PMS1: variants seen among roughly 807,000 people sequenced by gnomAD.
The protein encoded by PMS1 is PMS1 homolog 1, mismatch repair system component.
PMS1 carries 79 observed loss-of-function variants against 93.1 expected under a neutral mutation model. That is an observed-to-expected ratio of 0.85 (90% CI 0.71 to 1.02). The LOEUF is 1.02. PMS1 is among the 50% of genes least tolerant of loss of function. PMS1 has a pLI of 0.00. For synonymous variants in PMS1, 335 were observed against 363.4 expected, an observed-to-expected ratio of 0.92 and a Z score of 0.89; for missense variants, 1,064 against 1,085.3, an observed-to-expected ratio of 0.98 and a Z score of 0.28.
chr2:189,872,874 T>G (rs1479837151), intron 11 of PMS1, among the ~76,000 whole-genome samples: 4 of 152,162 alleles, frequency 2.6e-5, no homozygotes, highest in Admixed American at 6.5e-5. Context: ...GATGTTGTGA[T>G]CTGCCTGCCT....
intron 11 of PMS1, among the ~76,000 whole-genome samples, chr2:189,871,757 G>A (rs1430381385): frequency 1.3e-5 from 2 of 152,126 alleles, no homozygotes; most frequent in African/African-American, 4.8e-5. Context: ...GTGTTAGTTT[G>A]TTTGTGTTGC....
At chr2:189,792,688 AATATATATATATATATATATAT>A (rs3067428) in intron 2 of PMS1, among the ~76,000 whole-genome samples, 3 of 127,258 alleles carry the variant, frequency 2.4e-5, no homozygotes, top group African/African-American at 2.9e-5. Flanking sequence ...TATGGACACA[AATATATATATATATATATATAT>A]ATATATATAT....
In PMS1 at chr2:189,877,433, A is replaced by G; in HGVS notation, c.2796A>G (p.Thr932=). 1.9e-6 allele frequency: 3 copies of G among 1,600,192 alleles called. No homozygotes were observed. In the Middle Eastern group the frequency reaches 5.0e-4, roughly 266 times the overall value. Residue 932 remains threonine, a synonymous_variant, in exon 13 of 13, where the codon ACA becomes ACG. Coordinates refer to ENST00000441310, the MANE Select transcript of PMS1 (RefSeq NM_000534.5). ...ATTTAACCTATCTTCCAGAAACTAC[A>G]TGATTAAATATGTTTAAGAAGATTA... ...FHHLTYLPET[T] is the part of the protein sequence containing the mutation.
chr2:189,846,883 A>G (rs929186012), intron 6 of PMS1, among the ~76,000 whole-genome samples: 3 of 146,512 alleles, frequency 2.0e-5, no homozygotes, highest in African/African-American at 5.1e-5. Flanking sequence ...TTTTTCTGAG[A>G]CAGTCTCTTG....
chr2:189,853,791 C>G, intron 7 of PMS1, 148 bp from the exon 8 acceptor site: 1 of 528,456 alleles, frequency 1.9e-6, no homozygotes, highest in Non-Finnish European at 3.2e-6. Context: ...TGCTGGGATC[C>G]CAGGCATGAG....
intron 12 of PMS1, among the ~76,000 whole-genome samples, chr2:189,876,223 G>T (rs2057556370): frequency 6.6e-6 from 1 of 152,090 alleles, no homozygotes; most frequent in Admixed American, 6.6e-5. Flanking sequence ...AGAGTGGAGG[G>T]GTTGTGGGAA....
At chr2:189,819,312 A>G (rs1345675142) in intron 5 of PMS1, among the ~76,000 whole-genome samples, 1 of 152,162 alleles carries the variant, frequency 6.6e-6, no homozygotes. Context: ...TTGATTCTGT[A>G]TCTTTACTAT....
In PMS1 at chr2:189,854,432, T is replaced by C; in HGVS notation, c.1160T>C (p.Val387Ala). 6.2e-7 allele frequency: 1 copy of C among 1,608,922 alleles called. No individual in the cohort carries two copies. Among genetic ancestry groups the C allele is most frequent in the Non-Finnish European group, 8.5e-7 (1 of 1,176,230 alleles). The change falls in exon 9 of 13, where the codon GTC becomes GCC. Residue 387 changes from valine (V) to alanine (A), a missense_variant. Coordinates refer to ENST00000441310, the MANE Select transcript of PMS1 (RefSeq NM_000534.5). ...AATTATTCAAATGTTGATACTTCAGTCATTCCATTCCAAAATGATATGCAT... is the reference window on the plus strand; with the variant it reads ...AATTATTCAAATGTTGATACTTCAGCCATTCCATTCCAAAATGATATGCAT... ...GKNYSNVDTSVIPFQNDMHND... is the reference protein window; with the variant it reads ...GKNYSNVDTSAIPFQNDMHND...
chr2:189,855,472 G>T (rs547969881), intron 9 of PMS1, among the ~76,000 whole-genome samples: 53 of 149,292 alleles, frequency 3.6e-4, no homozygotes, highest in Non-Finnish European at 6.5e-4. Context: ...TAACTTTTCT[G>T]TTGTAGAACT....
In PMS1 at chr2:189,864,684, AAAAATATATATATATATATATATATAT is replaced by A. The variant is rs1422636190; in HGVS notation, c.2342+458_2342+484del. On this transcript the variant is annotated intron_variant, in intron 10 of 12. Transcript: ENST00000441310. ...AAAAAAAAAAAAAAAAAAAAAAAAA[AAAAATATATATATATATATATATATAT>A]ATATATATATATATATATATATATG... 5.3e-4 allele frequency among the ~76,000 whole-genome samples: 19 copies of A among 35,902 alleles called. 1 individual carries two copies. The highest frequency in any genetic ancestry group is 2.1e-3 in the African/African-American group (15 of 7,028). The allele number at this position is 35,902 out of a possible 152,430, so 23.6% of individuals were successfully genotyped here.
chr2:189,873,480 A>C lies in PMS1; in HGVS notation c.2474-16A>C, dbSNP rs751521051. ...AATATGAACTTAACTATGTGTTTTT[A>C]TTTTTTTTCTTTCAGGAGTTTCAAT... On this transcript the variant is annotated splice_polypyrimidine_tract_variant and intron_variant, in intron 11 of 12. Transcript: ENST00000441310. The C allele has an allele frequency of 1.3e-6, 2 of 1,550,246 alleles. No individual in the cohort carries two copies. The highest frequency in any genetic ancestry group is 1.7e-5 in the Admixed American group (1 of 59,604).
chr2:189,854,821 A>AT lies in PMS1; in HGVS notation c.1553dup (p.Leu518PhefsTer4). 3 of 1,612,846 alleles carry AT rather than the reference A, an allele frequency of 1.9e-6. No individual in the cohort carries two copies. The highest frequency in any genetic ancestry group is 2.5e-6 in the Non-Finnish European group (3 of 1,178,982). On this transcript the variant is annotated frameshift_variant, in exon 9 of 13. Coordinates refer to ENST00000441310, the MANE Select transcript of PMS1 (RefSeq NM_000534.5). LOFTEE classifies it high-confidence loss of function. ...GGGAGAGAATATTGAACCTGTGAAA[A>AT]TTTTAGTGCCTGAAAAAAGTTTACC...
chr2:189,818,974 CAG>C (rs1475653421), intron 5 of PMS1, among the ~76,000 whole-genome samples: 1 of 152,184 alleles, frequency 6.6e-6, no homozygotes, highest in Non-Finnish European at 1.5e-5. Flanking sequence ...GTGGCGAAGT[CAG>C]AGCTTTTAGT....
At position 189,877,252 on chromosome 2, in the gene PMS1, G is replaced by A; in HGVS notation, c.2635-20G>A. ...TTCAGGGTATATCATGGTAAAATGT[G>A]TGACTTTCCCTTTGGACAGGGAGAA... is the stretch of plus-strand genomic sequence containing the variant. On this transcript the variant is annotated intron_variant, in intron 12 of 12. Coordinates refer to ENST00000441310, the MANE Select transcript of PMS1 (RefSeq NM_000534.5). 6.2e-7 allele frequency: 1 copy of A among 1,609,894 alleles called. No individual in the cohort carries two copies. The highest frequency in any genetic ancestry group is 8.5e-7 in the Non-Finnish European group (1 of 1,176,284).
intron 6 of PMS1, 32 bp from the exon 7 acceptor site, chr2:189,852,623 T>A: frequency 6.3e-7 from 1 of 1,594,318 alleles, no homozygotes; most frequent in South Asian, 1.1e-5. Context: ...AACTACATTG[T>A]TGACATTGCA....
chr2:189,824,661 T>G (rs942701299), intron 5 of PMS1, among the ~76,000 whole-genome samples: 44 of 152,176 alleles, frequency 2.9e-4, no homozygotes, highest in African/African-American at 1.0e-3. Flanking sequence ...TTGAAATGAT[T>G]ATACTGTGAA....
intron 3 of PMS1, among the ~76,000 whole-genome samples, chr2:189,803,405 A>G (rs2050064951): frequency 6.6e-6 from 1 of 152,226 alleles, no homozygotes; most frequent in Non-Finnish European, 1.5e-5. Context: ...ATAACTGATA[A>G]CTAATATAGC....
At chr2:189,863,509 C>T (rs917859046) in intron 9 of PMS1, among the ~76,000 whole-genome samples, 6 of 152,108 alleles carry the variant, frequency 3.9e-5, no homozygotes, top group African/African-American at 1.4e-4. Context: ...CAACCTCAGC[C>T]TCCTAAAATG....
At chr2:189,799,823 A>G (rs563974171) in intron 3 of PMS1, among the ~76,000 whole-genome samples, 1 of 151,606 alleles carries the variant, frequency 6.6e-6, no homozygotes, top group Non-Finnish European at 1.5e-5. Context: ...GAATCCAGTG[A>G]CTGGTTGAGG....
Sources: allele counts gnomAD v4.1 joint callset (sites outside exome capture counted in the v4.1 genomes callset), GRCh38; gene constraint gnomAD v4.1.1; transcripts MANE v1.5; gene names NCBI Gene and HGNC (gene_info 2026-07-23, HGNC 2026-07-21).